CPM: variants seen among roughly 807,000 people sequenced by gnomAD.
CPM encodes renal carboxypeptidase.
In CPM, 35 loss-of-function variants were observed where a neutral mutation model predicts 46.4. The observed-to-expected ratio is 0.75, with a 90% CI of 0.58 to 1.00. CPM has a LOEUF of 1.00. CPM is among the 50% of genes least tolerant of loss of function. The pLI, the probability that CPM is intolerant of heterozygous loss-of-function variation, is 0.00. For synonymous variants in CPM, 195 were observed against 195.3 expected, an observed-to-expected ratio of 1.00 and a Z score of 0.01; for missense variants, 422 against 530.4, an observed-to-expected ratio of 0.80 and a Z score of 2.01.
At chr12:68,900,809 C>T (rs1268161726) in intron 2 of CPM, among the ~76,000 whole-genome samples, 1 of 152,104 alleles carries the variant, frequency 6.6e-6, no homozygotes, top group African/African-American at 2.4e-5. Flanking sequence ...AAGCATATGA[C>T]ATTTTGAAAC....
At chr12:68,858,016 A>T (rs1415506486) in intron 8 of CPM, among the ~76,000 whole-genome samples, 1 of 152,264 alleles carries the variant, frequency 6.6e-6, no homozygotes, top group Non-Finnish European at 1.5e-5. Context: ...TAAGCCTCAC[A>T]TCTAGGCACC....
At chr12:68,896,594 T>C (rs377104308) in intron 2 of CPM, among the ~76,000 whole-genome samples, 4 of 152,182 alleles carry the variant, frequency 2.6e-5, no homozygotes, top group Admixed American at 1.3e-4. Flanking sequence ...AGTTAGTCTA[T>C]GAGGTGCCAT....
intron 3 of CPM, among the ~76,000 whole-genome samples, chr12:68,883,313 C>A (rs1198303611): frequency 6.6e-6 from 1 of 152,162 alleles, no homozygotes; most frequent in Non-Finnish European, 1.5e-5. Context: ...TTGTTATATC[C>A]TGTATTCAGA....
chr12:68,904,928 G>T (rs1040343942), intron 2 of CPM, among the ~76,000 whole-genome samples: 22 of 152,090 alleles, frequency 1.4e-4, no homozygotes, highest in African/African-American at 5.1e-4. Context: ...TTTTTGGGGG[G>T]ATGGAGTTTC....
In CPM at chr12:68,962,785, A is replaced by T. The variant is rs534800630; in HGVS notation, c.-4+384T>A. On this transcript the variant is annotated intron_variant, in intron 1 of 8. Coordinates refer to the CPM transcript ENST00000546373. ...TCTCTCTGAAGGCTTAACCTGCACGATAAAACCTTCGTCTCCACAATCCTT... is the reference window on the plus strand; with the variant it reads ...TCTCTCTGAAGGCTTAACCTGCACGTTAAAACCTTCGTCTCCACAATCCTT... Among the ~76,000 whole-genome samples the T allele has an allele frequency of 5.9e-5, 9 of 152,352 alleles. No individual in the cohort carries two copies. In the South Asian group the frequency reaches 1.9e-3, roughly 32 times the overall value.
rs192878640 is a variant in CPM, at chr12:68,854,212, T to C, written c.*2225A>G. 6.6e-6 allele frequency: 1 copy of C among 152,194 alleles called. No homozygotes were observed. The highest frequency in any genetic ancestry group is 2.1e-4 in the South Asian group (1 of 4,830). The allele number at this position is 152,194 out of a possible 1,614,324, so 9.4% of individuals were successfully genotyped here. On this transcript the variant is annotated 3_prime_UTR_variant, in exon 9 of 9. Coordinates refer to ENST00000551568, the MANE Select transcript of CPM (RefSeq NM_198320.5). The stretch of plus-strand genomic sequence containing the variant: ...GGTTGCCTACGCATTAAGACCTAGC[T>C]TCATAAAATGACTCAAAGCCCTAGG...
chr12:68,948,650 A>G (rs1592714655), intron 1 of CPM, among the ~76,000 whole-genome samples: 1 of 152,324 alleles, frequency 6.6e-6, no homozygotes, highest in South Asian at 2.1e-4. Context: ...GCCTGCATAT[A>G]GCAACAAAGT....
chr12:68,886,557 C>T (rs113156925), intron 2 of CPM, among the ~76,000 whole-genome samples: 1,610 of 152,182 alleles, frequency 0.011, 30 homozygotes, highest in African/African-American at 0.037. Context: ...GTGTGAACCC[C>T]GGAGGCGGAG....
intron 5 of CPM, 31 bp downstream of exon 5, chr12:68,870,184 A>C (rs1012585133): frequency 1.1e-5 from 18 of 1,595,846 alleles, no homozygotes; most frequent in Non-Finnish European, 1.5e-5. Flanking sequence ...TCTGGACTTA[A>C]GAAGCCAGAA....
At position 68,873,083 on chromosome 12, in the gene CPM, G is replaced by T. The variant is rs115549303; in HGVS notation, c.259-1127C>A. Reference sequence around the variant, plus strand: ...TTCTCCCTATCATTTTAGGTTCAAGGAATCTGCTTCAGAAGAACAGATGTT... The same window carrying T: ...TTCTCCCTATCATTTTAGGTTCAAGTAATCTGCTTCAGAAGAACAGATGTT... On this transcript the variant is annotated intron_variant, in intron 3 of 8. Transcript: ENST00000551568. 2.3e-3 allele frequency among the ~76,000 whole-genome samples: 347 copies of T among 152,278 alleles called. 2 individuals carry two copies. The highest frequency in any genetic ancestry group is 7.9e-3 in the African/African-American group (328 of 41,544).
chr12:68,864,664 G>A lies in CPM; in HGVS notation c.940+2232C>T, dbSNP rs77828092. On this transcript the variant is annotated intron_variant, in intron 7 of 8. Transcript: ENST00000551568. ...TGCAGTTACACAGAGCATATTTGATGTTCACTTGCACGCCCATACCCATGT... is the reference window on the plus strand; with the variant it reads ...TGCAGTTACACAGAGCATATTTGATATTCACTTGCACGCCCATACCCATGT... Among the ~76,000 whole-genome samples the A allele has an allele frequency of 1.8e-4, 28 of 152,270 alleles. No homozygotes were observed. In the East Asian group the frequency reaches 5.4e-3, roughly 29 times the overall value.
intron 1 of CPM, among the ~76,000 whole-genome samples, chr12:68,951,668 C>A (rs1888937249): frequency 6.6e-6 from 1 of 152,120 alleles, no homozygotes; most frequent in Non-Finnish European, 1.5e-5. Context: ...CCAGCCCCCA[C>A]CACCAGCGAG....
chr12:68,850,874 A>G (rs1565758905), downstream of CPM, among the ~76,000 whole-genome samples: 1 of 151,982 alleles, frequency 6.6e-6, no homozygotes, highest in Non-Finnish European at 1.5e-5. Context: ...ATTTTCAAAT[A>G]TTTTTTCTGA....
At chr12:68,888,941 CA>C (rs1298266653) in intron 2 of CPM, among the ~76,000 whole-genome samples, 1 of 152,186 alleles carries the variant, frequency 6.6e-6, no homozygotes, top group Non-Finnish European at 1.5e-5. Context: ...TACAGGACTT[CA>C]GGAGAAAGAA....
At chr12:68,895,969 A>C (rs11177408) in intron 2 of CPM, among the ~76,000 whole-genome samples, 31,695 of 152,134 alleles carry the variant, frequency 0.21, 3,435 homozygotes, top group Middle Eastern at 0.28. Flanking sequence ...CTTTTCCTTC[A>C]ATGACTCCCC....
At position 68,855,981 on chromosome 12, in the gene CPM, CT is replaced by C; in HGVS notation, c.*455del. 6.1e-6 allele frequency: 1 copy of C among 162,890 alleles called. No homozygotes were observed. The highest frequency in any genetic ancestry group is 1.3e-5 in the Non-Finnish European group (1 of 74,298). The allele number at this position is 162,890 out of a possible 1,614,324, so 10.1% of individuals were successfully genotyped here. ...CCTAACCTCAGGGTGATCCGCCCACCTTGGCCTCCCAAAGTGCTGGGATTAC... is the reference window on the plus strand; with the variant it reads ...CCTAACCTCAGGGTGATCCGCCCACCTGGCCTCCCAAAGTGCTGGGATTAC... On this transcript the variant is annotated 3_prime_UTR_variant, in exon 9 of 9. Coordinates refer to ENST00000551568, the MANE Select transcript of CPM (RefSeq NM_198320.5).
intron 2 of CPM, among the ~76,000 whole-genome samples, chr12:68,920,409 C>T (rs1460764042): frequency 3.3e-5 from 5 of 152,082 alleles, no homozygotes; most frequent in African/African-American, 9.7e-5. Context: ...TGACTATCCC[C>T]GTGAAAAGGA....
At chr12:68,924,222 C>T (rs182018951) in intron 2 of CPM, among the ~76,000 whole-genome samples, 106 of 150,104 alleles carry the variant, frequency 7.1e-4, no homozygotes, top group African/African-American at 2.4e-3. Flanking sequence ...ATAGGAAGGG[C>T]GCAGTGGCTC....
At chr12:68,930,465 C>T (rs1260929020) in intron 2 of CPM, among the ~76,000 whole-genome samples, 1 of 152,192 alleles carries the variant, frequency 6.6e-6, no homozygotes, top group African/African-American at 2.4e-5. Flanking sequence ...AGACCACCAA[C>T]AAAGGAGCAC....
Sources: gnomAD v4.1 joint callset for allele counts (sites outside exome capture counted in the v4.1 genomes callset) on GRCh38, gnomAD v4.1.1 for gene constraint, MANE v1.5 for transcripts, NCBI Gene and HGNC (gene_info 2026-07-23, HGNC 2026-07-21) for gene names.